The following ENPP7 variants were observed in gnomAD, a reference collection of about 807,000 sequenced individuals.
The protein encoded by ENPP7 is ectonucleotide pyrophosphatase/phosphodiesterase family member 7.
In ENPP7, 39 loss-of-function variants were observed where a neutral mutation model predicts 33.6. That is an observed-to-expected ratio of 1.16 (90% CI 0.90 to 1.52). The LOEUF (loss-of-function observed/expected upper bound fraction) is 1.52, where lower values mean the gene tolerates loss of function less well. Among genes scored for constraint, ENPP7 ranks in the 40% most tolerant of loss-of-function variants. The probability of loss-of-function intolerance (pLI) is 0.00; values close to 1 mark genes in which losing one functional copy is unlikely to be tolerated. For missense variants in ENPP7, 594 were observed against 641.0 expected, an observed-to-expected ratio of 0.93 and a Z score of 0.79; for synonymous variants, 244 against 274.3, an observed-to-expected ratio of 0.89 and a Z score of 1.09.
chr17:79,732,871 C>T (rs138937651), intron 1 of ENPP7, among the ~76,000 whole-genome samples: 1 of 152,364 alleles, frequency 6.6e-6, no homozygotes, highest in Non-Finnish European at 1.5e-5. Context: ...CATCCCCACA[C>T]CAGCCTTTCT....
Position 79,731,240 on chromosome 17 carries a change from T to C in ENPP7, c.101T>C (p.Leu34Pro). The change falls in exon 1 of 6, where the codon CTC becomes CCC. Residue 34 changes from leucine (L) to proline (P), a missense_variant. Coordinates refer to ENST00000328313, the MANE Select transcript of ENPP7 (RefSeq NM_178543.5). ...AGTCAGGGCTCCCAGAACAAGCTGC[T>C]CCTGGTGTCCTTCGACGGCTTCCGC... ...VQSQGSQNKL[L>P]LVSFDGFRWN... The C allele has an allele frequency of 6.2e-7, 1 of 1,613,396 alleles. No homozygotes were observed. The highest frequency in any genetic ancestry group is 8.5e-7 in the Non-Finnish European group (1 of 1,179,968).
chr17:79,732,157 C>CATATATATATGTAT (rs2094287846), intron 1 of ENPP7, among the ~76,000 whole-genome samples: 1 of 73,308 alleles, frequency 1.4e-5, no homozygotes, highest in African/African-American at 4.8e-5. Context: ...TATACACACA[C>CATATATATATGTAT]ATATATATAT....
At chr17:79,741,367 C>T (rs1009852976) in intron 5 of ENPP7, among the ~76,000 whole-genome samples, 1 of 152,206 alleles carries the variant, frequency 6.6e-6, no homozygotes, top group South Asian at 2.1e-4. Context: ...GGAACGGACG[C>T]AGTCCTTGCC....
In ENPP7 at chr17:79,731,128, G is replaced by A; in HGVS notation, c.-12G>A. The A allele has an allele frequency of 6.2e-7, 1 of 1,602,530 alleles. No individual in the cohort carries two copies. Among genetic ancestry groups the A allele is most frequent in the Non-Finnish European group, 8.5e-7 (1 of 1,176,584 alleles). ...GTGCACCCTGTGTGCCTGTCCATCT[G>A]GAAGGCCCAGCATGAGAGGCCCGGC... On this transcript the variant is annotated 5_prime_UTR_variant, in exon 1 of 6. Transcript: ENST00000328313.
chr17:79,738,253 C>T lies in ENPP7; in HGVS notation c.*16+191C>T. 1.7e-6 allele frequency: 1 copy of T among 589,676 alleles called. No individual in the cohort carries two copies. Among genetic ancestry groups the T allele is most frequent in the East Asian group, 2.9e-5 (1 of 34,498 alleles). 36.5% of individuals were successfully genotyped at this position (589,676 alleles called of 1,614,324 possible). A position where few individuals can be genotyped will look rare whatever the true frequency, so the allele number is the denominator to read the frequency against. On this transcript the variant is annotated intron_variant, in intron 5 of 5. Coordinates refer to ENST00000328313, the MANE Select transcript of ENPP7 (RefSeq NM_178543.5). The surrounding 1 kb of genome is among the most constrained non-coding windows in gnomAD (Gnocchi z 6.2). ...ATCCCGAGGCTGACCCTTCCAGCCTCTCTGCTCTGGGCTTGGAGGAGGTCT... is the reference window on the plus strand; with the variant it reads ...ATCCCGAGGCTGACCCTTCCAGCCTTTCTGCTCTGGGCTTGGAGGAGGTCT...
chr17:79,732,542 G>C (rs1457653605), intron 1 of ENPP7, among the ~76,000 whole-genome samples: 3 of 152,112 alleles, frequency 2.0e-5, no homozygotes, highest in Non-Finnish European at 4.4e-5. Context: ...GAAGGTTCCA[G>C]CAGAGGCTCC....
chr17:79,733,067 C>A (rs1410107100), intron 1 of ENPP7, among the ~76,000 whole-genome samples: 1 of 152,238 alleles, frequency 6.6e-6, no homozygotes, highest in Non-Finnish European at 1.5e-5. Context: ...TCTCCTGGAG[C>A]TCCACGTAGT....
intron 3 of ENPP7, among the ~76,000 whole-genome samples, chr17:79,736,237 G>C (rs782605774): frequency 6.6e-6 from 1 of 151,780 alleles, no homozygotes; most frequent in Non-Finnish European, 1.5e-5. Context: ...ACAGGGTTTT[G>C]CATGTTGGCC....
At chr17:79,733,203 A>G (rs2094289426) in intron 1 of ENPP7, among the ~76,000 whole-genome samples, 1 of 152,238 alleles carries the variant, frequency 6.6e-6, no homozygotes, top group Non-Finnish European at 1.5e-5. Context: ...TGCCACCAGG[A>G]TCCCTGCACA....
chr17:79,732,408 C>T (rs551188040), intron 1 of ENPP7, among the ~76,000 whole-genome samples: 1 of 152,176 alleles, frequency 6.6e-6, no homozygotes, highest in East Asian at 1.9e-4. Context: ...AAAGACCCTG[C>T]GTGGGTGTCC....
In ENPP7 at chr17:79,735,734, T is replaced by A; in HGVS notation, c.1026+65T>A. 1.4e-6 allele frequency: 2 copies of A among 1,463,380 alleles called. No individual in the cohort carries two copies. The highest frequency in any genetic ancestry group is 4.5e-5 in the Admixed American group (2 of 44,872). The allele number at this position is 1,463,380 out of a possible 1,614,324, so 90.6% of individuals were successfully genotyped here. A position where few individuals can be genotyped will look rare whatever the true frequency, so the allele number is the denominator to read the frequency against. On this transcript the variant is annotated intron_variant, in intron 3 of 5. Transcript: ENST00000328313. This position sits in a 1 kb window ranked among gnomAD's most constrained non-coding sequence, Gnocchi z 5.5. ...TCCCCAGGCTCTGGGTCTTCTTTTT[T>A]TTTTTTTGAGACCAGGGTCTTGCTC...
At chr17:79,732,109 C>CATATATATACATAT (rs2094286561) in intron 1 of ENPP7, among the ~76,000 whole-genome samples, 1 of 82,574 alleles carries the variant, frequency 1.2e-5, no homozygotes, top group Non-Finnish European at 2.4e-5. Flanking sequence ...TATATATATA[C>CATATATATACATAT]ATATATATAT....
chr17:79,732,561 C>G (rs1005993201), intron 1 of ENPP7, among the ~76,000 whole-genome samples: 1 of 152,178 alleles, frequency 6.6e-6, no homozygotes, highest in Non-Finnish European at 1.5e-5. Context: ...CCCTCCTCAC[C>G]TCTTCTGGCT....
Position 79,737,047 on chromosome 17 carries a change from A to C in ENPP7, c.1033A>C (p.Asn345His), listed in dbSNP as rs1390785016. ...DLGYVIHGRI[N>H]VQFNNGEHGF... The stretch of plus-strand genomic sequence containing the variant: ...CTTGCCCGCTCCCCGGCAGAGAATT[A>C]ACGTCCAGTTCAACAATGGGGAGCA... Residue 345 changes from asparagine (N) to histidine (H), a missense_variant, in exon 4 of 6, where the codon AAC becomes CAC. Asn to His is a moderately conservative substitution (Grantham distance 68). Coordinates refer to ENST00000328313, the MANE Select transcript of ENPP7 (RefSeq NM_178543.5). This position sits in a 1 kb window ranked among gnomAD's most constrained non-coding sequence, Gnocchi z 5.5. The C allele has an allele frequency of 6.2e-7, 1 of 1,613,908 alleles. No homozygotes were observed. Among genetic ancestry groups the C allele is most frequent in the Non-Finnish European group, 8.5e-7 (1 of 1,180,008 alleles).
chr17:79,737,791 C>G lies in ENPP7; in HGVS notation c.1247-125C>G. The G allele has an allele frequency of 9.4e-7, 1 of 1,061,816 alleles. No homozygotes were observed. The highest frequency in any genetic ancestry group is 1.4e-6 in the Non-Finnish European group (1 of 709,916). The allele number at this position is 1,061,816 out of a possible 1,614,324, so 65.8% of individuals were successfully genotyped here. A position where few individuals can be genotyped will look rare whatever the true frequency, so the allele number is the denominator to read the frequency against. ...CCGTGGTGGACAAAGGCCATGGGAC[C>G]AAGGGGGCGGTGAAAGAGGAAGGAG... On this transcript the variant is annotated intron_variant, in intron 4 of 5. Transcript: ENST00000328313. The surrounding 1 kb of genome is among the most constrained non-coding windows in gnomAD (Gnocchi z 5.5).
At chr17:79,740,113 G>A (rs1299185829) in intron 5 of ENPP7, among the ~76,000 whole-genome samples, 4 of 152,162 alleles carry the variant, frequency 2.6e-5, no homozygotes, top group Non-Finnish European at 4.4e-5. Flanking sequence ...TGGGAGGATC[G>A]CTGGAGCCCG....
Position 79,739,148 on chromosome 17 carries a change from A to G in ENPP7, c.*16+1086A>G, listed in dbSNP as rs1258178677. 1 of 152,724 alleles carries G rather than the reference A, an allele frequency of 6.5e-6. No individual in the cohort carries two copies. The highest frequency in any genetic ancestry group is 6.5e-5 in the Admixed American group (1 of 15,294). 9.5% of individuals were successfully genotyped at this position (152,724 alleles called of 1,614,324 possible). On this transcript the variant is annotated intron_variant, in intron 5 of 5. Transcript: ENST00000328313. The surrounding 1 kb of genome is among the most constrained non-coding windows in gnomAD (Gnocchi z 4.4). ...ACAGACACACCAGAAGAAGCCAGAC[A>G]CACCAGGCAGGGGAAAGAGCCAGGG... is the stretch of plus-strand genomic sequence containing the variant.
chr17:79,739,493 A>G lies in ENPP7; in HGVS notation c.*16+1431A>G, dbSNP rs1221768212. ...ATGTGCACAGATTCCAAATACCTTT[A>G]AGAGGCACGACATTCGAGGTTTGTG... On this transcript the variant is annotated intron_variant, in intron 5 of 5. Transcript: ENST00000328313. This position sits in a 1 kb window ranked among gnomAD's most constrained non-coding sequence, Gnocchi z 4.4. 6.6e-6 allele frequency: 1 copy of G among 152,296 alleles called. No individual in the cohort carries two copies. Among genetic ancestry groups the G allele is most frequent in the Non-Finnish European group, 1.5e-5 (1 of 68,096 alleles). 9.4% of individuals were successfully genotyped at this position (152,296 alleles called of 1,614,324 possible).
At chr17:79,731,429 G>A (rs782558079) in intron 1 of ENPP7, 37 bp downstream of exon 1, 11 of 1,580,638 alleles carry the variant, frequency 7.0e-6, no homozygotes, top group Non-Finnish European at 1.7e-6. Flanking sequence ...GGGGGTGGGA[G>A]GGCCTGAGAA....
Sources: allele counts gnomAD v4.1 joint callset (sites outside exome capture counted in the v4.1 genomes callset), GRCh38; gene constraint gnomAD v4.1.1; non-coding constraint Gnocchi (gnomAD v3.1); transcripts MANE v1.5; gene names NCBI Gene and HGNC (gene_info 2026-07-23, HGNC 2026-07-21).